The following IGF1 variants were observed in gnomAD, a reference collection of about 807,000 sequenced individuals.
The protein encoded by IGF1 is insulin-like growth factor 1.
A neutral mutation model predicts 13.8 loss-of-function variants in IGF1; 4 were observed. That is an observed-to-expected ratio of 0.29 (90% CI 0.14 to 0.66). The LOEUF is 0.66. IGF1 is among the 30% of genes least tolerant of loss of function. The pLI, the probability that IGF1 is intolerant of heterozygous loss-of-function variation, is 0.78. For synonymous variants in IGF1, 76 were observed against 72.6 expected (o/e 1.05, Z -0.23); for missense variants, 124 against 188.5 (o/e 0.66, Z 2.00).
chr12:102,420,874 A>G (rs1345354287), intron 2 of IGF1, among the ~76,000 whole-genome samples: 1 of 152,246 alleles, frequency 6.6e-6, no homozygotes, highest in Non-Finnish European at 1.5e-5. Context: ...TCTGACATGT[A>G]TTCAATCTTA....
At chr12:102,443,319 A>G (rs1176431119) in intron 2 of IGF1, among the ~76,000 whole-genome samples, 3 of 152,114 alleles carry the variant, frequency 2.0e-5, no homozygotes, top group African/African-American at 7.2e-5. Flanking sequence ...AAGACAACCA[A>G]AATGCATCCT....
chr12:102,428,917 T>G (rs1273180132), intron 2 of IGF1, among the ~76,000 whole-genome samples: 3 of 152,224 alleles, frequency 2.0e-5, no homozygotes, highest in Non-Finnish European at 4.4e-5. Context: ...TTATCTCTGA[T>G]AGTATGAATG....
chr12:102,400,788 CAA>C lies in IGF1; in HGVS notation c.*1717_*1718del, dbSNP rs1208720063. 4 of 152,106 alleles carry C rather than the reference CAA, an allele frequency of 2.6e-5. No individual in the cohort carries two copies. Among genetic ancestry groups the C allele is most frequent in the Non-Finnish European group, 4.4e-5 (3 of 68,008 alleles). 9.4% of individuals were successfully genotyped at this position (152,106 alleles called of 1,614,324 possible). A position where few individuals can be genotyped will look rare whatever the true frequency, so the allele number is the denominator to read the frequency against. On this transcript the variant is annotated 3_prime_UTR_variant, in exon 4 of 4. Coordinates refer to ENST00000337514, the MANE Select transcript of IGF1 (RefSeq NM_000618.5). ...GCATAGAAGAGTCAGTGAGTGCTAACAAAGAGTAATTAATTCCCCTTTCACTG... is the reference window on the plus strand; with the variant it reads ...GCATAGAAGAGTCAGTGAGTGCTAACAGAGTAATTAATTCCCCTTTCACTG...
intron 2 of IGF1, among the ~76,000 whole-genome samples, chr12:102,426,116 G>A (rs1408485836): frequency 6.6e-6 from 1 of 152,140 alleles, no homozygotes; most frequent in South Asian, 2.1e-4. Flanking sequence ...AGTATGATCT[G>A]CCTGTGACAT....
At chr12:102,459,857 A>G (rs1431429718) in intron 2 of IGF1, among the ~76,000 whole-genome samples, 1 of 152,232 alleles carries the variant, frequency 6.6e-6, no homozygotes, top group Non-Finnish European at 1.5e-5. Flanking sequence ...ATTTATATAA[A>G]CCAGCAGCAG....
chr12:102,412,402 A>G (rs1340605098), intron 3 of IGF1, among the ~76,000 whole-genome samples: 1 of 152,042 alleles, frequency 6.6e-6, no homozygotes, highest in Non-Finnish European at 1.5e-5. Flanking sequence ...ACACACACAC[A>G]CGCGCACACA....
intron 3 of IGF1, among the ~76,000 whole-genome samples, chr12:102,417,293 T>C (rs1457498187): frequency 6.6e-6 from 1 of 152,226 alleles, no homozygotes; most frequent in Non-Finnish European, 1.5e-5. Context: ...CGGATGCCCT[T>C]TGGCCTAAAC....
At chr12:102,453,881 A>G (rs1191219644) in intron 2 of IGF1, among the ~76,000 whole-genome samples, 3 of 152,180 alleles carry the variant, frequency 2.0e-5, no homozygotes, top group Non-Finnish European at 2.9e-5. Context: ...CAGTGTCCTC[A>G]CTTGTAAAGT....
intron 2 of IGF1, among the ~76,000 whole-genome samples, chr12:102,441,076 T>A (rs762663102): frequency 2.0e-5 from 3 of 152,240 alleles, no homozygotes; most frequent in Non-Finnish European, 4.4e-5. Flanking sequence ...CCTCTTCTTC[T>A]ATGCAGTCCC....
chr12:102,405,001 C>G (rs1404049655), intron 3 of IGF1, among the ~76,000 whole-genome samples: 1 of 151,974 alleles, frequency 6.6e-6, no homozygotes. Flanking sequence ...TTGTGATCCA[C>G]CCGCCTTGGC....
intron 2 of IGF1, among the ~76,000 whole-genome samples, chr12:102,451,357 C>G (rs1437949074): frequency 2.0e-5 from 3 of 152,152 alleles, no homozygotes; most frequent in African/African-American, 7.2e-5. Flanking sequence ...TTTTATTGCT[C>G]TCTATTTCAT....
chr12:102,477,423 C>T (rs1325328798), intron 1 of IGF1, among the ~76,000 whole-genome samples: 1 of 151,860 alleles, frequency 6.6e-6, no homozygotes, highest in Non-Finnish European at 1.5e-5. Context: ...GGTAAAAGCT[C>T]AACTGAACAT....
chr12:102,468,431 C>A (rs1284023950), intron 2 of IGF1, among the ~76,000 whole-genome samples: 1 of 152,228 alleles, frequency 6.6e-6, no homozygotes, highest in Non-Finnish European at 1.5e-5. Context: ...GTAAGAGGGG[C>A]AGCTATGCCA....
intron 2 of IGF1, among the ~76,000 whole-genome samples, chr12:102,458,725 C>A (rs180676648): frequency 8.7e-5 from 1 of 11,548 alleles, no homozygotes; most frequent in Admixed American, 1.7e-3. Context: ...GGTAGGAACA[C>A]TGACCAAAAA....
At chr12:102,418,569 A>G (rs916516034) in intron 3 of IGF1, among the ~76,000 whole-genome samples, 2 of 152,204 alleles carry the variant, frequency 1.3e-5, no homozygotes, top group African/African-American at 4.8e-5. Context: ...TCTTTTTTCA[A>G]CAGAGTCCCC....
At chr12:102,452,458 T>C (rs1242874888) in intron 2 of IGF1, among the ~76,000 whole-genome samples, 1 of 152,144 alleles carries the variant, frequency 6.6e-6, no homozygotes, top group Non-Finnish European at 1.5e-5. Context: ...GCATCTGTTA[T>C]AGAGCCTGTC....
chr12:102,438,439 T>C (rs562408365), intron 2 of IGF1, among the ~76,000 whole-genome samples: 1 of 152,208 alleles, frequency 6.6e-6, no homozygotes, highest in Non-Finnish European at 1.5e-5. Context: ...CGTTATCTTA[T>C]TTTGCAGAGT....
At position 102,439,967 on chromosome 12, in the gene IGF1, C is replaced by T. The variant is rs528395181; in HGVS notation, c.221-20277G>A. ...AGGGGAAACTTGCTGACCCCAGGCG[C>T]TGTGGGAAGCTGAGCAATTGCTACT... On this transcript the variant is annotated intron_variant, in intron 2 of 3. Coordinates refer to ENST00000337514, the MANE Select transcript of IGF1 (RefSeq NM_000618.5). 5.9e-5 allele frequency among the ~76,000 whole-genome samples: 9 copies of T among 152,252 alleles called. No individual in the cohort carries two copies. The East Asian group carries it at 1.7e-3, about 29-fold the overall frequency.
At chr12:102,460,553 G>A (rs531261325) in intron 2 of IGF1, among the ~76,000 whole-genome samples, 1 of 152,274 alleles carries the variant, frequency 6.6e-6, no homozygotes, top group African/African-American at 2.4e-5. Flanking sequence ...ATTGGGCAGA[G>A]CTATAATTTT....
Sources: allele counts gnomAD v4.1 joint callset (sites outside exome capture counted in the v4.1 genomes callset), GRCh38; gene constraint gnomAD v4.1.1; transcripts MANE v1.5; gene names NCBI Gene and HGNC (gene_info 2026-07-23, HGNC 2026-07-21).